Variants in GGNBP2 observed in about 807,000 individuals in gnomAD.
The protein encoded by GGNBP2 is gametogenetin binding protein 2.
GGNBP2 carries 10 observed loss-of-function variants against 85.9 expected under a neutral mutation model. The ratio of observed to expected loss-of-function variants is 0.12; its 90% CI spans 0.07 to 0.20. The LOEUF is 0.20. Ranked by LOEUF, GGNBP2 falls within the 10% of genes least tolerant of loss-of-function variation. The pLI, the probability that GGNBP2 is intolerant of heterozygous loss-of-function variation, is 1.00. For synonymous variants in GGNBP2, 287 were observed against 285.7 expected (o/e 1.00, Z -0.05); for missense variants, 595 against 857.8 (o/e 0.69, Z 3.83).
chr17:36,547,913 A>C (rs2074270082), intron 2 of GGNBP2, among the ~76,000 whole-genome samples: 1 of 152,218 alleles, frequency 6.6e-6, no homozygotes, highest in Non-Finnish European at 1.5e-5. Context: ...CAAGGGAAAC[A>C]AGTTTCTTTC....
intron 6 of GGNBP2, among the ~76,000 whole-genome samples, chr17:36,575,649 T>TATATATA (rs1491168966): frequency 1.0e-3 from 38 of 37,782 alleles, no homozygotes; most frequent in East Asian, 8.7e-3. Context: ...TATATATATA[T>TATATATA]TTTTTTTTTT....
intron 13 of GGNBP2, 42 bp from the exon 14 acceptor site, chr17:36,589,165 TG>T: frequency 1.4e-6 from 2 of 1,399,524 alleles, no homozygotes; most frequent in Non-Finnish European, 2.0e-6. Flanking sequence ...CATAACATTT[TG>T]CATTCTTAAG....
In GGNBP2 at chr17:36,576,576, A is replaced by AT. The variant is rs2074586558; in HGVS notation, c.642-1407_642-1406insT. 8 of 30,184 alleles carry AT rather than the reference A, an allele frequency of 2.7e-4. No individual in the cohort carries two copies. The East Asian group carries it at 3.9e-3, about 15-fold the overall frequency. The allele number at this position is 30,184 out of a possible 1,614,324, so 1.9% of individuals were successfully genotyped here. ...CTCAAAAAAAAAAAAAAAAAAAAAA[A>AT]AAAAAAAAATATATATATATGTGTG... On this transcript the variant is annotated intron_variant, in intron 6 of 13. Transcript: ENST00000613102.
chr17:36,565,974 A>G (rs1464949792), intron 5 of GGNBP2, among the ~76,000 whole-genome samples: 1 of 152,214 alleles, frequency 6.6e-6, no homozygotes, highest in Non-Finnish European at 1.5e-5. Context: ...TGTCACAAAT[A>G]AGGGGAGCTA....
chr17:36,581,386 C>T lies in GGNBP2; in HGVS notation c.1063C>T (p.Leu355Phe), dbSNP rs1452479688. ...KVQGISRLEQ[L>F]CEEFSEEERV... Reference sequence around the variant, plus strand: ...ACAGGGTATTAGCAGATTGGAACAACTTTGTGAGGAATTTTCAGAAGAGGA... The same window carrying T: ...ACAGGGTATTAGCAGATTGGAACAATTTTGTGAGGAATTTTCAGAAGAGGA... Residue 355 changes from leucine (L) to phenylalanine (F), a missense_variant, in exon 9 of 14, where the codon CTT becomes TTT. Coordinates refer to ENST00000613102, the MANE Select transcript of GGNBP2 (RefSeq NM_024835.5). 4 of 1,613,116 alleles carry T rather than the reference C, an allele frequency of 2.5e-6. No individual in the cohort carries two copies. The African/African-American group carries it at 5.3e-5, about 22-fold the overall frequency.
At chr17:36,564,574 T>C (rs2074450612) in intron 5 of GGNBP2, among the ~76,000 whole-genome samples, 2 of 152,198 alleles carry the variant, frequency 1.3e-5, no homozygotes, top group South Asian at 2.1e-4. Flanking sequence ...ATGGACTTAA[T>C]TGATCTTAAG....
chr17:36,554,779 A>G, intron 2 of GGNBP2, 41 bp from the exon 3 acceptor site: 1 of 1,200,750 alleles, frequency 8.3e-7, no homozygotes, highest in Non-Finnish European at 1.2e-6. Flanking sequence ...CTGTTCTCAG[A>G]GGGGTAAAGT....
chr17:36,557,102 A>G lies in GGNBP2; in HGVS notation c.194A>G (p.Gln65Arg), dbSNP rs767121491. 1.9e-6 allele frequency: 3 copies of G among 1,614,138 alleles called. No individual in the cohort carries two copies. The change falls in exon 4 of 14, where the codon CAA (glutamine) becomes CGA (arginine). Residue 65 changes from glutamine to arginine, a missense_variant. By Grantham distance (43) the Gln-to-Arg change is conservative. Coordinates refer to ENST00000613102, the MANE Select transcript of GGNBP2 (RefSeq NM_024835.5). ...QFIQRHGMLK[Q>R]QDLSIAMVVT... ...TTTCAGCGACATGGTATGCTTAAGC[A>G]ACAGGATCTAAGTATTGCCATGGTG...
At chr17:36,550,878 A>G (rs529230591) in intron 2 of GGNBP2, among the ~76,000 whole-genome samples, 2 of 152,366 alleles carry the variant, frequency 1.3e-5, no homozygotes, top group East Asian at 3.9e-4. Flanking sequence ...TAAAGAATGA[A>G]GAACAAATTG....
rs1043386072 is a variant in GGNBP2, at chr17:36,588,087, TTTC to T, written c.1890+848_1890+850del. Among the ~76,000 whole-genome samples, 6 of 152,288 alleles carry T rather than the reference TTTC, an allele frequency of 3.9e-5. No individual in the cohort carries two copies. The East Asian group carries it at 9.6e-4, about 24-fold the overall frequency. Reference sequence around the variant, plus strand: ...ATATACAATTTGAACTAGAGGTTGCTTTCTTCTTTTAGGTGTCATGTAGGGTAA... The same window carrying T: ...ATATACAATTTGAACTAGAGGTTGCTTTCTTTTAGGTGTCATGTAGGGTAA... On this transcript the variant is annotated intron_variant, in intron 13 of 13. Transcript: ENST00000613102.
Position 36,545,834 on chromosome 17 carries a change from G to C in GGNBP2, c.93+17G>C. 2 of 1,511,974 alleles carry C rather than the reference G, an allele frequency of 1.3e-6. No homozygotes were observed. The highest frequency in any genetic ancestry group is 1.8e-6 in the Non-Finnish European group (2 of 1,117,322). 93.7% of individuals were successfully genotyped at this position (1,511,974 alleles called of 1,614,324 possible). ...ACCCTGACGGTGAGCGGGCCGGGCC[G>C]GGCTGGGCCCGCCGCTCCCCTGGCA... On this transcript the variant is annotated intron_variant, in intron 2 of 13. Coordinates refer to ENST00000613102, the MANE Select transcript of GGNBP2 (RefSeq NM_024835.5).
chr17:36,579,443 T>G (rs746043407), intron 8 of GGNBP2, 24 bp downstream of exon 8: 2 of 1,602,488 alleles, frequency 1.2e-6, no homozygotes, highest in African/African-American at 2.7e-5. Flanking sequence ...GCTGTTCCAG[T>G]ATCTCAGATT....
chr17:36,573,840 C>G (rs953350565), intron 6 of GGNBP2, among the ~76,000 whole-genome samples: 1 of 152,084 alleles, frequency 6.6e-6, no homozygotes, highest in South Asian at 2.1e-4. Flanking sequence ...GGAGAAATGT[C>G]GATTCATGCT....
chr17:36,585,577 A>G (rs1277193563), intron 10 of GGNBP2, 127 bp downstream of exon 10: 4 of 708,808 alleles, frequency 5.6e-6, no homozygotes, highest in Non-Finnish European at 4.6e-6. Flanking sequence ...AGAATATCAT[A>G]TAATTTAGTC....
chr17:36,554,352 ATTTTTTTTTTTTTTTT>A (rs780217291), intron 2 of GGNBP2, among the ~76,000 whole-genome samples: 19 of 44,484 alleles, frequency 4.3e-4, no homozygotes, highest in South Asian at 3.6e-3. Flanking sequence ...ATGTACTTGA[ATTTTTTTTTTTTTTTT>A]TTTTTTTTTT....
At chr17:36,568,625 C>G (rs1555606271) in intron 6 of GGNBP2, among the ~76,000 whole-genome samples, 1 of 152,036 alleles carries the variant, frequency 6.6e-6, no homozygotes, top group African/African-American at 2.4e-5. Flanking sequence ...AAATTAGTAG[C>G]TTTTTACTTA....
At position 36,556,455 on chromosome 17, in the gene GGNBP2, G is replaced by A. The variant is rs565813871; in HGVS notation, c.175-628G>A. On this transcript the variant is annotated intron_variant, in intron 3 of 13. Transcript: ENST00000613102. Reference sequence around the variant, plus strand: ...GCGTGGTGGCTCACGCCTGTAATCCGAGCACTTTGGGAGGCTGAGGCGGGT... The same window carrying A: ...GCGTGGTGGCTCACGCCTGTAATCCAAGCACTTTGGGAGGCTGAGGCGGGT... Among the ~76,000 whole-genome samples the A allele has an allele frequency of 8.5e-5, 13 of 152,092 alleles. No homozygotes were observed. The South Asian group carries it at 1.5e-3, about 17-fold the overall frequency.
chr17:36,545,288 G>A (rs2074238071), intron 1 of GGNBP2, among the ~76,000 whole-genome samples, 191 bp downstream of exon 1: 1 of 151,816 alleles, frequency 6.6e-6, no homozygotes, highest in Admixed American at 6.5e-5. Context: ...CGGGGAACAG[G>A]CTGCGGGGCC....
Position 36,575,648 on chromosome 17 carries a change from A to ATATAT in GGNBP2, c.642-2334_642-2333insATATT, listed in dbSNP as rs374366757. ...TATATATATATATATATATATATAT[A>ATATAT]TTTTTTTTTTTTTTTGAGATGGAGT... On this transcript the variant is annotated intron_variant, in intron 6 of 13. Coordinates refer to ENST00000613102, the MANE Select transcript of GGNBP2 (RefSeq NM_024835.5). 1.7e-3 allele frequency among the ~76,000 whole-genome samples: 96 copies of ATATAT among 54,918 alleles called. 2 individuals carry two copies. The highest frequency in any genetic ancestry group is 7.1e-3 in the African/African-American group (65 of 9,194). The allele number at this position is 54,918 out of a possible 152,430, so 36.0% of individuals were successfully genotyped here.
Sources: gnomAD v4.1 joint callset for allele counts (sites outside exome capture counted in the v4.1 genomes callset) on GRCh38, gnomAD v4.1.1 for gene constraint, MANE v1.5 for transcripts, NCBI Gene and HGNC (gene_info 2026-07-23, HGNC 2026-07-21) for gene names.